The following RHEB variants were observed in gnomAD, a reference collection of about 807,000 sequenced individuals.
The protein encoded by RHEB is Ras homolog, mTORC1 binding.
In RHEB, 2 loss-of-function variants were observed where a neutral mutation model predicts 28.8. The ratio of observed to expected loss-of-function variants is 0.07; its 90% CI spans 0.03 to 0.22. The LOEUF (loss-of-function observed/expected upper bound fraction) is 0.22, where lower values mean the gene tolerates loss of function less well. RHEB is among the 10% of genes least tolerant of loss of function. RHEB has a pLI of 1.00. For missense variants in RHEB, 76 were observed against 219.9 expected (o/e 0.35, Z 4.14); for synonymous variants, 69 against 77.3 (o/e 0.89, Z 0.56).
chr7:151,517,351 A>G (rs1482334757), intron 1 of RHEB, among the ~76,000 whole-genome samples: 2 of 150,320 alleles, frequency 1.3e-5, no homozygotes, highest in African/African-American at 4.9e-5. Context: ...CTGGGTCACA[A>G]GAGCGAAACT....
chr7:151,473,699 G>A (rs892559378), intron 4 of RHEB, among the ~76,000 whole-genome samples: 9 of 151,980 alleles, frequency 5.9e-5, no homozygotes, highest in South Asian at 2.1e-4. Context: ...ATTAAACTAC[G>A]AGCTACTAGA....
intron 2 of RHEB, among the ~76,000 whole-genome samples, chr7:151,486,402 T>A (rs1421701587): frequency 6.6e-6 from 1 of 152,182 alleles, no homozygotes; most frequent in Non-Finnish European, 1.5e-5. Flanking sequence ...TAGTCTCTGA[T>A]ACTCAGTGAG....
At chr7:151,503,432 G>A (rs1209434443) in intron 1 of RHEB, 1 of 1,191,624 alleles carries the variant, frequency 8.4e-7, no homozygotes, top group Non-Finnish European at 1.3e-6. Flanking sequence ...TACCAAGGAG[G>A]AGACAATGAA....
intron 1 of RHEB, among the ~76,000 whole-genome samples, chr7:151,500,128 T>C (rs1333439731): frequency 6.6e-6 from 1 of 152,154 alleles, no homozygotes; most frequent in African/African-American, 2.4e-5. Context: ...AAAAACATGC[T>C]GAAGATTTAC....
At chr7:151,473,450 A>G (rs776979467) in intron 4 of RHEB, among the ~76,000 whole-genome samples, 1 of 152,232 alleles carries the variant, frequency 6.6e-6, no homozygotes, top group Non-Finnish European at 1.5e-5. Flanking sequence ...CAGAGGACAC[A>G]GCTAGGCCAC....
chr7:151,503,006 A>G (rs1563099631), intron 1 of RHEB: 3 of 783,552 alleles, frequency 3.8e-6, no homozygotes, highest in Non-Finnish European at 7.1e-6. Context: ...CATTCAAGAA[A>G]AGAAATCAAT....
At chr7:151,516,753 C>T (rs977408971) in intron 1 of RHEB, among the ~76,000 whole-genome samples, 8 of 151,786 alleles carry the variant, frequency 5.3e-5, no homozygotes, top group Admixed American at 2.0e-4. Flanking sequence ...TCCTACTAGT[C>T]AAACTGGCTT....
intron 1 of RHEB, among the ~76,000 whole-genome samples, chr7:151,512,717 C>T (rs1283905627): frequency 6.6e-6 from 1 of 152,216 alleles, no homozygotes; most frequent in East Asian, 1.9e-4. Context: ...GATGCAGTCA[C>T]TGTCAATTCG....
intron 2 of RHEB, among the ~76,000 whole-genome samples, chr7:151,489,775 T>G (rs1802546059): frequency 6.6e-6 from 1 of 152,224 alleles, no homozygotes. Context: ...TGCCAGACAT[T>G]ATTCTTCTTT....
At chr7:151,479,920 A>G (rs145592440) in intron 3 of RHEB, among the ~76,000 whole-genome samples, 7 of 152,346 alleles carry the variant, frequency 4.6e-5, no homozygotes, top group African/African-American at 7.2e-5. Flanking sequence ...AGGATAATTC[A>G]TAGGGGGAAA....
chr7:151,479,553 G>T (rs905421045), intron 3 of RHEB, among the ~76,000 whole-genome samples: 3 of 151,900 alleles, frequency 2.0e-5, no homozygotes, highest in African/African-American at 4.8e-5. Flanking sequence ...CGTGGTGGCG[G>T]GCGCCTGTAG....
At chr7:151,478,352 C>T (rs1802308164) in intron 3 of RHEB, among the ~76,000 whole-genome samples, 2 of 149,818 alleles carry the variant, frequency 1.3e-5, no homozygotes, top group African/African-American at 4.9e-5. Context: ...TTTATGACAG[C>T]CCAGAATTAC....
intron 1 of RHEB, among the ~76,000 whole-genome samples, chr7:151,491,729 C>T (rs1802585553): frequency 7.7e-6 from 1 of 129,114 alleles, no homozygotes; most frequent in South Asian, 3.0e-4. Flanking sequence ...AGAGCAAGAC[C>T]CTGTGTCAAA....
rs79185443 is a variant in RHEB, at chr7:151,477,452, T to C, written c.193-37A>G. The C allele has an allele frequency of 7.0e-3, 8,538 of 1,214,714 alleles. 409 individuals are homozygous for C. The African/African-American group carries it at 0.11, about 16-fold the overall frequency. 75.2% of individuals were successfully genotyped at this position (1,214,714 alleles called of 1,614,324 possible). A position where few individuals can be genotyped will look rare whatever the true frequency, so the allele number is the denominator to read the frequency against. On this transcript the variant is annotated intron_variant, in intron 3 of 7. Transcript: ENST00000262187. ...AAAAATTATCTTTGAGTAGTCTTCATATAGCATCACAAACAAACTTTACCC... is the reference window on the plus strand; with the variant it reads ...AAAAATTATCTTTGAGTAGTCTTCACATAGCATCACAAACAAACTTTACCC...
rs376839616 is a variant in RHEB, at chr7:151,519,854, C to T, written c.-343G>A. ...AAAAAAGGGGACGCCGCGATGCCCC[C>T]AGAAAAGTCACGACTGAAACTCGCT... On this transcript the variant is annotated 5_prime_UTR_variant, in exon 1 of 8. Coordinates refer to ENST00000262187, the MANE Select transcript of RHEB (RefSeq NM_005614.4). 7.0e-5 allele frequency: 15 copies of T among 213,244 alleles called. 1 individual carries two copies. The highest frequency in any genetic ancestry group is 6.9e-4 in the East Asian group (7 of 10,134). The allele number at this position is 213,244 out of a possible 1,614,324, so 13.2% of individuals were successfully genotyped here. A position where few individuals can be genotyped will look rare whatever the true frequency, so the allele number is the denominator to read the frequency against.
intron 1 of RHEB, among the ~76,000 whole-genome samples, chr7:151,511,689 T>C (rs1802991907): frequency 6.6e-6 from 1 of 151,862 alleles, no homozygotes; most frequent in Non-Finnish European, 1.5e-5. Context: ...AGATGGAGTC[T>C]TGCTCTGTCG....
At chr7:151,505,031 C>A (rs775560675) in intron 1 of RHEB, among the ~76,000 whole-genome samples, 10 of 146,442 alleles carry the variant, frequency 6.8e-5, no homozygotes, top group Non-Finnish European at 1.5e-4. Context: ...AACTACAAAA[C>A]TTCTAGAATA....
intron 7 of RHEB, among the ~76,000 whole-genome samples, chr7:151,469,206 A>G (rs1802116397): frequency 1.3e-5 from 2 of 152,198 alleles, no homozygotes; most frequent in African/African-American, 4.8e-5. Flanking sequence ...ACATAACCAC[A>G]TGGATTCACT....
intron 7 of RHEB, 51 bp downstream of exon 7, chr7:151,470,520 C>T (rs1458943345): frequency 7.9e-7 from 1 of 1,263,596 alleles, no homozygotes; most frequent in Admixed American, 1.7e-5. Context: ...GGAACACATC[C>T]CTGCGACTGA....
Sources: gnomAD v4.1 joint callset for allele counts (sites outside exome capture counted in the v4.1 genomes callset) on GRCh38, gnomAD v4.1.1 for gene constraint, MANE v1.5 for transcripts, NCBI Gene and HGNC (gene_info 2026-07-23, HGNC 2026-07-21) for gene names.